GPC6: variants seen among roughly 807,000 people sequenced by gnomAD.
The protein encoded by GPC6 is glypican-6.
Under a neutral mutation model 55.2 loss-of-function variants are expected in GPC6, and 14 were observed. The observed-to-expected ratio is 0.25, with a 90% confidence interval of 0.17 to 0.40. GPC6 has a LOEUF of 0.40. Among genes scored for constraint, GPC6 ranks in the 10% least tolerant of loss-of-function variants. The probability of loss-of-function intolerance (pLI) is 1.00; values close to 1 mark genes in which losing one functional copy is unlikely to be tolerated. For missense variants in GPC6, 641 were observed against 708.5 expected, an observed-to-expected ratio of 0.90 and a Z score of 1.08; for synonymous variants, 278 against 259.6, an observed-to-expected ratio of 1.07 and a Z score of -0.68.
chr13:93,653,142 T>C (rs1364961776), intron 2 of GPC6, among the ~76,000 whole-genome samples: 1 of 152,222 alleles, frequency 6.6e-6, no homozygotes, highest in African/African-American at 2.4e-5. Context: ...CAGAATATGA[T>C]GAATGCTGTC....
In GPC6 at chr13:93,776,023, A is replaced by C. The variant is rs555747552; in HGVS notation, c.320-54131A>C. 3.6e-5 allele frequency among the ~76,000 whole-genome samples: 4 copies of C among 112,484 alleles called. No individual in the cohort carries two copies. The East Asian group carries it at 1.0e-3, about 29-fold the overall frequency. 73.8% of individuals were successfully genotyped at this position (112,484 alleles called of 152,430 possible). On this transcript the variant is annotated intron_variant, in intron 2 of 8. Transcript: ENST00000377047. ...ACATGATTCGGTTTCATTTACTTTT[A>C]AAGCCTTTTTTTTCCGTCTTTTTTT...
chr13:93,440,336 G>C (rs879377372), intron 1 of GPC6, among the ~76,000 whole-genome samples: 10 of 152,206 alleles, frequency 6.6e-5, no homozygotes, highest in Non-Finnish European at 1.3e-4. Flanking sequence ...CTTGTGCAGA[G>C]ATGCCTTAGT....
chr13:94,274,855 T>C (rs771450642), intron 4 of GPC6, among the ~76,000 whole-genome samples: 5 of 151,872 alleles, frequency 3.3e-5, no homozygotes, highest in Non-Finnish European at 7.4e-5. Flanking sequence ...TTCTACCTAA[T>C]AAAAAAGTAC....
At chr13:94,182,753 A>G (rs1055177215) in intron 4 of GPC6, among the ~76,000 whole-genome samples, 1 of 152,136 alleles carries the variant, frequency 6.6e-6, no homozygotes, top group Non-Finnish European at 1.5e-5. Flanking sequence ...ATATTTAATA[A>G]TATTTTCCAT....
chr13:93,744,888 A>G (rs919102594), intron 2 of GPC6, among the ~76,000 whole-genome samples: 2 of 151,802 alleles, frequency 1.3e-5, no homozygotes, highest in African/African-American at 4.8e-5. Context: ...AGCCAAGATC[A>G]CATCTATCTC....
intron 4 of GPC6, among the ~76,000 whole-genome samples, chr13:94,052,933 T>C (rs1375257255): frequency 6.6e-6 from 1 of 152,078 alleles, no homozygotes; most frequent in Non-Finnish European, 1.5e-5. Flanking sequence ...GGGCCACTAC[T>C]CTGGGACTCT....
chr13:94,030,057 C>T (rs973071668), intron 4 of GPC6, among the ~76,000 whole-genome samples: 2 of 148,804 alleles, frequency 1.3e-5, no homozygotes, highest in Non-Finnish European at 3.0e-5. Flanking sequence ...GGCTGGAGTG[C>T]GATGGCACGA....
At chr13:93,514,837 G>T (rs746694453) in intron 1 of GPC6, among the ~76,000 whole-genome samples, 1 of 152,118 alleles carries the variant, frequency 6.6e-6, no homozygotes, top group African/African-American at 2.4e-5. Context: ...ACGTAGAGTC[G>T]TCGTGAGGAA....
chr13:93,771,093 C>T (rs574221064), intron 2 of GPC6, among the ~76,000 whole-genome samples: 1 of 152,266 alleles, frequency 6.6e-6, no homozygotes, highest in East Asian at 1.9e-4. Flanking sequence ...ATATTGATAA[C>T]ACATACACTG....
chr13:93,834,466 G>T (rs1019137349), intron 3 of GPC6, among the ~76,000 whole-genome samples: 4 of 152,160 alleles, frequency 2.6e-5, no homozygotes, highest in African/African-American at 9.7e-5. Context: ...AAAAGAATCA[G>T]ATGGTGGTTA....
intron 4 of GPC6, among the ~76,000 whole-genome samples, chr13:94,120,104 C>T (rs770180683): frequency 1.3e-5 from 2 of 151,750 alleles, no homozygotes; most frequent in Non-Finnish European, 2.9e-5. Context: ...AGAATGGCTG[C>T]GTTTCTCAAG....
chr13:93,787,968 G>T (rs1190539482), intron 2 of GPC6, among the ~76,000 whole-genome samples: 4 of 152,282 alleles, frequency 2.6e-5, no homozygotes, highest in Admixed American at 2.6e-4. Flanking sequence ...AGCTGCCAGA[G>T]ATTAGGAAAT....
intron 1 of GPC6, among the ~76,000 whole-genome samples, chr13:93,331,439 G>A (rs185846453): frequency 2.2e-3 from 337 of 152,274 alleles, no homozygotes; most frequent in Non-Finnish European, 3.3e-3. Flanking sequence ...GGTAGAGTAT[G>A]ATTCATCAAC....
chr13:94,356,270 T>C (rs190944023), intron 6 of GPC6, among the ~76,000 whole-genome samples: 50 of 152,382 alleles, frequency 3.3e-4, no homozygotes, highest in African/African-American at 1.2e-3. Flanking sequence ...CATGTGTCTT[T>C]ATAACCGGAT....
chr13:93,784,201 G>A (rs941401622), intron 2 of GPC6, among the ~76,000 whole-genome samples: 1 of 152,114 alleles, frequency 6.6e-6, no homozygotes, highest in African/African-American at 2.4e-5. Context: ...AAAATAATAA[G>A]CTTTATTCAT....
At chr13:94,256,695 G>A (rs376919729) in intron 4 of GPC6, among the ~76,000 whole-genome samples, 1 of 152,110 alleles carries the variant, frequency 6.6e-6, no homozygotes, top group African/African-American at 2.4e-5. Context: ...AACCTCAAGG[G>A]TCTTAAAATA....
chr13:94,008,973 A>G (rs1882132696), intron 3 of GPC6, among the ~76,000 whole-genome samples: 2 of 152,206 alleles, frequency 1.3e-5, no homozygotes, highest in Non-Finnish European at 2.9e-5. Flanking sequence ...ATGTATATAA[A>G]GTAAAATTAA....
At chr13:93,439,112 A>G (rs1323660186) in intron 1 of GPC6, among the ~76,000 whole-genome samples, 1 of 152,212 alleles carries the variant, frequency 6.6e-6, no homozygotes, top group Non-Finnish European at 1.5e-5. Flanking sequence ...CATTTAATGG[A>G]CTACAGAATA....
intron 4 of GPC6, among the ~76,000 whole-genome samples, chr13:94,254,945 T>A (rs968158259): frequency 6.6e-6 from 1 of 152,166 alleles, no homozygotes; most frequent in Non-Finnish European, 1.5e-5. Context: ...AGGAAATCAT[T>A]TAGAACATCT....
Sources: gnomAD v4.1 joint callset for allele counts (sites outside exome capture counted in the v4.1 genomes callset) on GRCh38, gnomAD v4.1.1 for gene constraint, MANE v1.5 for transcripts, NCBI Gene and HGNC (gene_info 2026-07-23, HGNC 2026-07-21) for gene names.